MTUS2: variants seen among roughly 807,000 people sequenced by gnomAD.
The protein encoded by MTUS2 is microtubule-associated tumor suppressor candidate 2.
In MTUS2, 40 loss-of-function variants were observed where a neutral mutation model predicts 114.1. The observed-to-expected ratio is 0.35, with a 90% CI of 0.27 to 0.46. The LOEUF (loss-of-function observed/expected upper bound fraction) is 0.46. MTUS2 is among the 20% of genes least tolerant of loss of function. MTUS2 has a pLI of 1.00. For synonymous variants in MTUS2, 688 were observed against 672.0 expected, an observed-to-expected ratio of 1.02 and a Z score of -0.37; for missense variants, 1,679 against 1,705.4, an observed-to-expected ratio of 0.98 and a Z score of 0.27.
chr13:29,334,187 G>T (rs539697105), intron 7 of MTUS2, among the ~76,000 whole-genome samples: 1 of 152,006 alleles, frequency 6.6e-6, no homozygotes, highest in Non-Finnish European at 1.5e-5. Flanking sequence ...TTTTAACTGG[G>T]GCATTTAGCC....
At chr13:29,160,449 G>C (rs1893044870) in intron 5 of MTUS2, among the ~76,000 whole-genome samples, 1 of 152,190 alleles carries the variant, frequency 6.6e-6, no homozygotes, top group Non-Finnish European at 1.5e-5. Context: ...CAGTAGGCTA[G>C]TAGAGGTTAA....
intron 2 of MTUS2, among the ~76,000 whole-genome samples, chr13:28,904,861 T>C (rs201946201): frequency 0.14 from 20,569 of 151,158 alleles, 1,804 homozygotes; most frequent in African/African-American, 0.23. Context: ...GCCATTTTCA[T>C]GATATTGATT....
At chr13:28,824,614 A>T (rs1289098083) in intron 1 of MTUS2, among the ~76,000 whole-genome samples, 4 of 151,314 alleles carry the variant, frequency 2.6e-5, no homozygotes, top group Non-Finnish European at 4.4e-5. Flanking sequence ...TCTTTCTCTC[A>T]CTGCAGTTGT....
In MTUS2 at chr13:29,006,076, G is replaced by A. The variant is rs1417575079; in HGVS notation, c.-242-18381G>A. 6.6e-5 allele frequency among the ~76,000 whole-genome samples: 10 copies of A among 152,286 alleles called. No homozygotes were observed. In the South Asian group the frequency reaches 1.9e-3, roughly 28 times the overall value. On this transcript the variant is annotated intron_variant, in intron 2 of 15. Coordinates refer to ENST00000612955, the MANE Select transcript of MTUS2 (RefSeq NM_001033602.4). ...AGAACAGAGACTAAATATTTCTCTT[G>A]TATGGAGGGGCTGTGCAAGTTCCTG... is the stretch of plus-strand genomic sequence containing the variant.
chr13:29,178,410 A>T (rs1401814602), intron 5 of MTUS2, among the ~76,000 whole-genome samples: 1 of 152,126 alleles, frequency 6.6e-6, no homozygotes. Context: ...CCTCGGAGAT[A>T]TTCTATGAAT....
intron 2 of MTUS2, among the ~76,000 whole-genome samples, chr13:28,852,324 CTGTA>C (rs926274171): frequency 1.3e-5 from 2 of 152,146 alleles, no homozygotes; most frequent in African/African-American, 4.8e-5. Flanking sequence ...GGGAGGATGA[CTGTA>C]TGGCTCTTAT....
intron 5 of MTUS2, among the ~76,000 whole-genome samples, chr13:29,192,871 T>C (rs1012837735): frequency 6.6e-6 from 1 of 152,158 alleles, no homozygotes; most frequent in Non-Finnish European, 1.5e-5. Flanking sequence ...CAGCACTCTA[T>C]GGTTTAAGTT....
chr13:29,213,125 A>G (rs2139290675), intron 5 of MTUS2, among the ~76,000 whole-genome samples: 1 of 152,382 alleles, frequency 6.6e-6, no homozygotes, highest in South Asian at 2.1e-4. Context: ...TAGCATCCAT[A>G]TCACTCAGCA....
intron 4 of MTUS2, among the ~76,000 whole-genome samples, chr13:29,036,544 G>A (rs1461255726): frequency 1.3e-5 from 2 of 152,190 alleles, no homozygotes; most frequent in African/African-American, 4.8e-5. Flanking sequence ...CCAGAGCTGA[G>A]TTCAAATCCT....
At chr13:29,438,449 C>A (rs879281783) in intron 8 of MTUS2, among the ~76,000 whole-genome samples, 1 of 152,148 alleles carries the variant, frequency 6.6e-6, no homozygotes, top group Non-Finnish European at 1.5e-5. Context: ...GATCTAGGCT[C>A]CAGCAGTTTC....
At chr13:29,301,975 T>C (rs1899223470) in intron 6 of MTUS2, among the ~76,000 whole-genome samples, 1 of 152,098 alleles carries the variant, frequency 6.6e-6, no homozygotes, top group Admixed American at 6.5e-5. Flanking sequence ...AAAGCACTAA[T>C]CCCATTCCTG....
intron 2 of MTUS2, among the ~76,000 whole-genome samples, chr13:28,877,323 A>C (rs1363858203): frequency 1.3e-5 from 2 of 151,676 alleles, no homozygotes; most frequent in African/African-American, 4.8e-5. Flanking sequence ...ATCTCAAAAA[A>C]AAAAAAAAAG....
intron 5 of MTUS2, among the ~76,000 whole-genome samples, chr13:29,204,116 C>A (rs570279995): frequency 6.6e-6 from 1 of 152,066 alleles, no homozygotes; most frequent in Non-Finnish European, 1.5e-5. Context: ...CCCGCCACCA[C>A]GCCTGGCTAC....
intron 2 of MTUS2, among the ~76,000 whole-genome samples, chr13:28,904,760 C>A (rs1251684294): frequency 6.6e-6 from 1 of 152,062 alleles, no homozygotes. Context: ...TCCATATGAA[C>A]TTTAAAGTAG....
chr13:29,415,551 G>T (rs1374918415), intron 8 of MTUS2, among the ~76,000 whole-genome samples: 2 of 152,032 alleles, frequency 1.3e-5, no homozygotes, highest in African/African-American at 2.4e-5. Flanking sequence ...CATTTTCCTG[G>T]AATTGCTTTA....
chr13:29,007,878 G>A (rs193259077), intron 2 of MTUS2, among the ~76,000 whole-genome samples: 1 of 152,246 alleles, frequency 6.6e-6, no homozygotes, highest in Non-Finnish European at 1.5e-5. Flanking sequence ...TAAGTTTTGG[G>A]GGAATCAAAA....
intron 9 of MTUS2, among the ~76,000 whole-genome samples, chr13:29,474,055 A>G (rs1880513689): frequency 1.3e-5 from 2 of 152,200 alleles, no homozygotes; most frequent in South Asian, 4.1e-4. Context: ...TTATTATCCA[A>G]TATTTTCTAC....
At chr13:29,194,786 A>G (rs1250572598) in intron 5 of MTUS2, among the ~76,000 whole-genome samples, 3 of 152,246 alleles carry the variant, frequency 2.0e-5, no homozygotes, top group South Asian at 2.1e-4. Context: ...CTATAAAGAC[A>G]CATGCACATG....
At chr13:28,976,220 A>AAAAAG (rs1362488319) in intron 2 of MTUS2, among the ~76,000 whole-genome samples, 7 of 104,016 alleles carry the variant, frequency 6.7e-5, no homozygotes, top group African/African-American at 2.5e-4. Context: ...AAAAAAAAAA[A>AAAAAG]AAAAGAAAAG....
Sources: allele counts gnomAD v4.1 joint callset (sites outside exome capture counted in the v4.1 genomes callset), GRCh38; gene constraint gnomAD v4.1.1; transcripts MANE v1.5; gene names NCBI Gene and HGNC (gene_info 2026-07-23, HGNC 2026-07-21).